RAB38: variants seen among roughly 807,000 people sequenced by gnomAD.
The protein encoded by RAB38 is RAB38, member RAS oncogene family.
In RAB38, 15 loss-of-function variants were observed where a neutral mutation model predicts 18.4. That is an observed-to-expected ratio of 0.82 (90% CI 0.55 to 1.26). The LOEUF (loss-of-function observed/expected upper bound fraction) is 1.26. Among genes scored for constraint, RAB38 ranks in the 50% most tolerant of loss-of-function variants. RAB38 has a pLI of 0.00. For synonymous variants in RAB38, 101 were observed against 104.4 expected, an observed-to-expected ratio of 0.97 and a Z score of 0.20; for missense variants, 294 against 267.4, an observed-to-expected ratio of 1.10 and a Z score of -0.69.
At chr11:88,027,882 C>T in the RAB38 span, among the ~76,000 whole-genome samples, 1 of 152,174 alleles carries the variant, frequency 6.6e-6, no homozygotes, top group African/African-American at 2.4e-5. Context: ...CAGTGGTTCT[C>T]CCAGCATGCA....
chr11:87,919,831 T>C, the RAB38 span, among the ~76,000 whole-genome samples: 1 of 152,054 alleles, frequency 6.6e-6, no homozygotes, highest in Non-Finnish European at 1.5e-5. Flanking sequence ...TCAGTCATGG[T>C]GGATTTTATA....
At position 88,158,753 on chromosome 11, in the gene RAB38, C is replaced by T. The variant is rs895122187; in HGVS notation, c.203-8798G>A. Among the ~76,000 whole-genome samples the T allele has an allele frequency of 2.6e-5, 4 of 152,004 alleles. 1 individual carries two copies. In the South Asian group the frequency reaches 8.3e-4, roughly 32 times the overall value. The stretch of plus-strand genomic sequence containing the variant: ...TAAAAACCCTCAAGAAAATAGGTAT[C>T]AAAGGAACATGCCTCAACATAATAA... On this transcript the variant is annotated intron_variant, in intron 1 of 2. Transcript: ENST00000243662.
the RAB38 span, among the ~76,000 whole-genome samples, chr11:87,963,981 A>T: frequency 1.3e-5 from 2 of 152,294 alleles, no homozygotes; most frequent in Admixed American, 1.3e-4. Context: ...GCAATGGTAG[A>T]TTCTACTAAG....
chr11:88,136,123 A>T (rs1054540220), intron 2 of RAB38, among the ~76,000 whole-genome samples: 5 of 152,276 alleles, frequency 3.3e-5, no homozygotes, highest in Admixed American at 3.3e-4. Context: ...TCACTTTAGG[A>T]TATCTCTGGA....
At chr11:88,041,497 A>C in the RAB38 span, among the ~76,000 whole-genome samples, 6 of 152,226 alleles carry the variant, frequency 3.9e-5, no homozygotes, top group South Asian at 2.1e-4. Flanking sequence ...TTTTACCCAA[A>C]TGATTCAGAG....
chr11:87,878,224 C>T, the RAB38 span, among the ~76,000 whole-genome samples: 293 of 97,016 alleles, frequency 3.0e-3, 2 homozygotes, highest in Middle Eastern at 0.015. Flanking sequence ...TATATATATA[C>T]ACACATATAT....
the RAB38 span, among the ~76,000 whole-genome samples, chr11:88,065,715 G>A: frequency 6.6e-6 from 1 of 152,150 alleles, no homozygotes; most frequent in Non-Finnish European, 1.5e-5. Context: ...TCCTCATAGG[G>A]TTGCTGTAAG....
chr11:87,957,314 C>T, the RAB38 span, among the ~76,000 whole-genome samples: 11 of 152,010 alleles, frequency 7.2e-5, no homozygotes, highest in Non-Finnish European at 1.5e-4. Context: ...CCTCACCCCC[C>T]ATAGGGGCAA....
chr11:87,813,389 A>G, the RAB38 span, among the ~76,000 whole-genome samples: 1 of 152,144 alleles, frequency 6.6e-6, no homozygotes, highest in Non-Finnish European at 1.5e-5. Context: ...TCCTTTCAGG[A>G]GGTAGATAAC....
the RAB38 span, among the ~76,000 whole-genome samples, chr11:87,875,394 G>GA: frequency 6.6e-6 from 1 of 151,164 alleles, no homozygotes; most frequent in Non-Finnish European, 1.5e-5. Flanking sequence ...ACCATTTATT[G>GA]AAAAAAATAT....
chr11:87,901,106 T>G, the RAB38 span, among the ~76,000 whole-genome samples: 646 of 151,654 alleles, frequency 4.3e-3, 6 homozygotes, highest in African/African-American at 0.013. Flanking sequence ...TGGCTGCACA[T>G]TGGAATCAAT....
At chr11:87,837,129 A>G in the RAB38 span, among the ~76,000 whole-genome samples, 1 of 152,188 alleles carries the variant, frequency 6.6e-6, no homozygotes, top group African/African-American at 2.4e-5. Context: ...CACTCAATAA[A>G]TGGTAGTTAT....
the RAB38 span, among the ~76,000 whole-genome samples, chr11:88,098,890 C>T: frequency 6.6e-6 from 1 of 151,930 alleles, no homozygotes; most frequent in African/African-American, 2.4e-5. Context: ...AGCCCATTTT[C>T]ATTTTGGGTC....
chr11:88,026,115 C>G, the RAB38 span, among the ~76,000 whole-genome samples: 78,185 of 151,714 alleles, frequency 0.52, 21,674 homozygotes, highest in Non-Finnish European at 0.62. Flanking sequence ...CAGGCACGCA[C>G]CACCACGTCT....
In RAB38 at chr11:88,138,787, TTATTA is replaced by T. The variant is rs1355630095; in HGVS notation, c.483+10883_483+10887del. 8.6e-3 allele frequency among the ~76,000 whole-genome samples: 999 copies of T among 115,508 alleles called. 11 individuals are homozygous for T. Among genetic ancestry groups the T allele is most frequent in the African/African-American group, 0.033 (950 of 29,206 alleles). 75.8% of individuals were successfully genotyped at this position (115,508 alleles called of 152,430 possible). A position where few individuals can be genotyped will look rare whatever the true frequency, so the allele number is the denominator to read the frequency against. On this transcript the variant is annotated intron_variant, in intron 2 of 2. Transcript: ENST00000243662. ...AATTTTTATTATTATTCTTTTTTTT[TTATTA>T]TTTTTTTTGAGGCGGAGTCTTGCTC...
intron 2 of RAB38, among the ~76,000 whole-genome samples, chr11:88,145,740 A>G (rs1017655157): frequency 6.6e-6 from 1 of 152,232 alleles, no homozygotes; most frequent in African/African-American, 2.4e-5. Context: ...CTAAGGTATG[A>G]TGTAGAGAGT....
the RAB38 span, among the ~76,000 whole-genome samples, chr11:87,911,522 A>T: frequency 2.2e-4 from 33 of 151,938 alleles, no homozygotes; most frequent in African/African-American, 8.0e-4. Context: ...TATATTTTTG[A>T]TGGTTCTGAT....
At chr11:87,836,389 A>T in the RAB38 span, among the ~76,000 whole-genome samples, 1 of 151,302 alleles carries the variant, frequency 6.6e-6, no homozygotes, top group African/African-American at 2.4e-5. Flanking sequence ...AAACCTGAGT[A>T]TTTTTTTTTA....
At chr11:87,958,041 T>C in the RAB38 span, among the ~76,000 whole-genome samples, 2 of 152,140 alleles carry the variant, frequency 1.3e-5, no homozygotes, top group East Asian at 3.9e-4. Context: ...TTGAAAGCCA[T>C]ATGCATTCTG....
Sources: gnomAD v4.1 joint callset for allele counts (sites outside exome capture counted in the v4.1 genomes callset) on GRCh38, gnomAD v4.1.1 for gene constraint, MANE v1.5 for transcripts, NCBI Gene and HGNC (gene_info 2026-07-23, HGNC 2026-07-21) for gene names.